Variants in CPQ observed in about 807,000 individuals in gnomAD.
The protein encoded by CPQ is carboxypeptidase Q.
Under a neutral mutation model 45.7 loss-of-function variants are expected in CPQ, and 37 were observed. That is an observed-to-expected ratio of 0.81 (90% confidence interval 0.62 to 1.07). The LOEUF (loss-of-function observed/expected upper bound fraction) is 1.07. Ranked by LOEUF, CPQ falls within the 50% of genes least tolerant of loss-of-function variation. The probability of loss-of-function intolerance (pLI) is 0.00; values close to 1 mark genes in which losing one functional copy is unlikely to be tolerated. For missense variants in CPQ, 537 were observed against 572.9 expected (o/e 0.94, Z 0.64); for synonymous variants, 186 against 205.8 (o/e 0.90, Z 0.82).
chr8:96,839,805 A>G (rs150835620), intron 3 of CPQ, among the ~76,000 whole-genome samples: 46 of 152,328 alleles, frequency 3.0e-4, no homozygotes, highest in African/African-American at 9.1e-4. Flanking sequence ...GGGATAAAGA[A>G]AGGAAATTAC....
At chr8:96,742,576 G>T (rs1389825144) in intron 1 of CPQ, among the ~76,000 whole-genome samples, 3 of 152,026 alleles carry the variant, frequency 2.0e-5, no homozygotes, top group Non-Finnish European at 4.4e-5. Flanking sequence ...AGTCTCGATG[G>T]TCTTTACATT....
chr8:96,871,701 T>C (rs939377261), intron 3 of CPQ, among the ~76,000 whole-genome samples: 4 of 151,914 alleles, frequency 2.6e-5, no homozygotes, highest in African/African-American at 9.7e-5. Flanking sequence ...TGAAAACTCA[T>C]GTTCAATCTC....
At position 96,904,536 on chromosome 8, in the gene CPQ, G is replaced by A. The variant is rs568144886; in HGVS notation, c.849+24531G>A. On this transcript the variant is annotated intron_variant, in intron 4 of 7. Transcript: ENST00000220763. ...TTGATCTGTCACCTGGTCCTCTGAC[G>A]ACTCAGTTCATTCACCTGCAAAATG... Among the ~76,000 whole-genome samples, 302 of 152,238 alleles carry A rather than the reference G, an allele frequency of 2.0e-3. 2 individuals are homozygous for A. Among genetic ancestry groups the A allele is most frequent in the African/African-American group, 6.7e-3 (279 of 41,538 alleles).
chr8:96,667,907 A>G (rs74401496), intron 1 of CPQ, among the ~76,000 whole-genome samples: 43 of 152,202 alleles, frequency 2.8e-4, no homozygotes, highest in Admixed American at 1.6e-3. Flanking sequence ...TTTAATTATT[A>G]TATATCTTTT....
chr8:97,051,229 C>T (rs1450230812), intron 6 of CPQ, among the ~76,000 whole-genome samples: 1 of 152,094 alleles, frequency 6.6e-6, no homozygotes, highest in Non-Finnish European at 1.5e-5. Flanking sequence ...CTGGTGAAAC[C>T]TATGGACCTC....
intron 7 of CPQ, among the ~76,000 whole-genome samples, chr8:97,071,069 T>G (rs1396513130): frequency 6.6e-6 from 1 of 152,072 alleles, no homozygotes; most frequent in Non-Finnish European, 1.5e-5. Context: ...CCAAGAAGAG[T>G]TTACTCCTCT....
At chr8:96,972,791 A>G (rs959555255) in intron 5 of CPQ, among the ~76,000 whole-genome samples, 1 of 151,996 alleles carries the variant, frequency 6.6e-6, no homozygotes, top group East Asian at 1.9e-4. Context: ...AAAAACAATC[A>G]CTACAGTTCA....
chr8:96,692,144 G>A (rs1033157170), intron 1 of CPQ, among the ~76,000 whole-genome samples: 8 of 152,268 alleles, frequency 5.3e-5, no homozygotes, highest in African/African-American at 1.4e-4. Flanking sequence ...ATTCTAGAAA[G>A]GAGAATGATA....
intron 6 of CPQ, among the ~76,000 whole-genome samples, chr8:97,030,179 G>A (rs1395395158): frequency 6.6e-6 from 1 of 152,234 alleles, no homozygotes; most frequent in African/African-American, 2.4e-5. Context: ...TTAGTTCAAA[G>A]AGGAACTCCA....
chr8:96,651,036 T>C (rs4392869), intron 1 of CPQ, among the ~76,000 whole-genome samples: 101,894 of 152,118 alleles, frequency 0.67, 35,667 homozygotes, highest in Non-Finnish European at 0.78. Flanking sequence ...TTATCATATA[T>C]GAAGATTTTT....
intron 1 of CPQ, among the ~76,000 whole-genome samples, chr8:96,712,102 C>CCT (rs1339177806): frequency 6.6e-6 from 1 of 152,122 alleles, no homozygotes; most frequent in Non-Finnish European, 1.5e-5. Context: ...AGTCATTAAA[C>CCT]CTTAAAGTTA....
chr8:96,850,553 C>G (rs1172396710), intron 3 of CPQ, among the ~76,000 whole-genome samples: 1 of 150,962 alleles, frequency 6.6e-6, no homozygotes, highest in Non-Finnish European at 1.5e-5. Flanking sequence ...AGGTGTTACA[C>G]TGATTTTTAT....
chr8:96,678,993 T>G (rs1010665005), intron 1 of CPQ, among the ~76,000 whole-genome samples: 1 of 152,070 alleles, frequency 6.6e-6, no homozygotes, highest in African/African-American at 2.4e-5. Flanking sequence ...TCTAATGTCC[T>G]GAATTGCTTC....
intron 5 of CPQ, among the ~76,000 whole-genome samples, chr8:96,987,329 A>G (rs1169675456): frequency 6.6e-6 from 1 of 152,184 alleles, no homozygotes; most frequent in Non-Finnish European, 1.5e-5. Flanking sequence ...CAGGAAAGTG[A>G]GAGGGCCAGA....
At position 96,943,965 on chromosome 8, in the gene CPQ, A is replaced by G. The variant is rs1031093608; in HGVS notation, c.850-21970A>G. Among the ~76,000 whole-genome samples the G allele has an allele frequency of 3.9e-5, 6 of 152,298 alleles. No homozygotes were observed. In the East Asian group the frequency reaches 9.6e-4, roughly 24 times the overall value. On this transcript the variant is annotated intron_variant, in intron 4 of 7. Coordinates refer to ENST00000220763, the MANE Select transcript of CPQ (RefSeq NM_016134.4). Reference sequence around the variant, plus strand: ...TTACTGTCATGATTTTGGAAGCCCTAGTTTAACCCACATTGATCATAATAT... The same window carrying G: ...TTACTGTCATGATTTTGGAAGCCCTGGTTTAACCCACATTGATCATAATAT...
At chr8:96,679,692 T>C (rs1809124511) in intron 1 of CPQ, among the ~76,000 whole-genome samples, 2 of 152,070 alleles carry the variant, frequency 1.3e-5, no homozygotes, top group African/African-American at 4.8e-5. Context: ...TTTTTCCATT[T>C]GTTAAAATAT....
At chr8:96,781,846 T>G (rs1210468550) in intron 1 of CPQ, among the ~76,000 whole-genome samples, 2 of 152,086 alleles carry the variant, frequency 1.3e-5, no homozygotes, top group Non-Finnish European at 2.9e-5. Context: ...CATTCCAAAA[T>G]GGATAAATAG....
At chr8:96,983,705 G>A (rs2853270) in intron 5 of CPQ, among the ~76,000 whole-genome samples, 28,430 of 151,838 alleles carry the variant, frequency 0.19, 2,739 homozygotes, top group East Asian at 0.29. Flanking sequence ...GCTCTATGTA[G>A]TTTGGGGTTT....
At chr8:96,721,507 A>G (rs1279226058) in intron 1 of CPQ, among the ~76,000 whole-genome samples, 1 of 152,034 alleles carries the variant, frequency 6.6e-6, no homozygotes, top group Non-Finnish European at 1.5e-5. Context: ...TCCTTCTACT[A>G]CTTTCAATTC....
Sources: gnomAD v4.1 joint callset for allele counts (sites outside exome capture counted in the v4.1 genomes callset) on GRCh38, gnomAD v4.1.1 for gene constraint, MANE v1.5 for transcripts, NCBI Gene and HGNC (gene_info 2026-07-23, HGNC 2026-07-21) for gene names.